The following SRGAP2 variants were observed in gnomAD, a reference collection of about 807,000 sequenced individuals.
SRGAP2 encodes the protein SLIT-ROBO Rho GTPase activating protein 2, also known as SLIT-ROBO Rho GTPase-activating protein 2.
A neutral mutation model predicts 57.2 loss-of-function variants in SRGAP2; 15 were observed. The ratio of observed to expected loss-of-function variants is 0.26; its 90% CI spans 0.18 to 0.40. The LOEUF (loss-of-function observed/expected upper bound fraction) is 0.40, where lower values mean the gene tolerates loss of function less well. SRGAP2 is among the 10% of genes least tolerant of loss of function. SRGAP2 has a pLI of 1.00. For synonymous variants in SRGAP2, 249 were observed against 248.0 expected (o/e 1.00, Z -0.04); for missense variants, 520 against 669.6 (o/e 0.78, Z 2.47).
Position 206,289,672 on chromosome 1 carries a change from A to G in SRGAP2, c.68-13609A>G, listed in dbSNP as rs1457587480. Among the ~76,000 whole-genome samples the G allele has an allele frequency of 4.2e-5, 6 of 144,474 alleles. No individual in the cohort carries two copies. The South Asian group carries it at 8.7e-4, about 21-fold the overall frequency. The allele number at this position is 144,474 out of a possible 152,430, so 94.8% of individuals were successfully genotyped here. A position where few individuals can be genotyped will look rare whatever the true frequency, so the allele number is the denominator to read the frequency against. On this transcript the variant is annotated intron_variant, in intron 2 of 22. Coordinates refer to ENST00000573034, the MANE Select transcript of SRGAP2 (RefSeq NM_015326.5). ...TGTTTATAATCTTTTTACTAAATAT[A>G]TAACAACATTGCCTTGTGGTGTTTA...
chr1:206,429,629 G>A (rs1661114531), intron 13 of SRGAP2, among the ~76,000 whole-genome samples: 1 of 152,256 alleles, frequency 6.6e-6, no homozygotes, highest in South Asian at 2.1e-4. Flanking sequence ...ACAGGCAGTG[G>A]AACTGGAGGC....
At chr1:206,279,970 A>G (rs1670637249) in intron 2 of SRGAP2, among the ~76,000 whole-genome samples, 2 of 150,194 alleles carry the variant, frequency 1.3e-5, no homozygotes, top group African/African-American at 4.9e-5. Context: ...GCCTAGTTGA[A>G]TATTAGGCAT....
intron 17 of SRGAP2, among the ~76,000 whole-genome samples, chr1:206,441,333 A>T (rs782239378): frequency 5.9e-5 from 9 of 152,182 alleles, no homozygotes; most frequent in Non-Finnish European, 1.3e-4. Flanking sequence ...TTAGCTAATC[A>T]CCCAGGGAAC....
rs1196550675 is a variant in SRGAP2 at position 206,372,921 on chromosome 1, TTC to T, written c.424-11091_424-11090del. 7.4e-4 allele frequency among the ~76,000 whole-genome samples: 5 copies of T among 6,780 alleles called. No individual in the cohort carries two copies. The African/African-American group carries it at 9.0e-3, about 12-fold the overall frequency. 4.4% of individuals were successfully genotyped at this position (6,780 alleles called of 152,430 possible). On this transcript the variant is annotated intron_variant, in intron 4 of 22. Coordinates refer to ENST00000573034, the MANE Select transcript of SRGAP2 (RefSeq NM_015326.5). ...CTCCTTTCTTTCTTTCTTTCTTTCTTTCTTTCTTTCTTTCTTTCTTTCTTTCT... is the reference window on the plus strand; with the variant it reads ...CTCCTTTCTTTCTTTCTTTCTTTCTTTTTCTTTCTTTCTTTCTTTCTTTCT...
chr1:206,289,169 G>T, intron 2 of SRGAP2, among the ~76,000 whole-genome samples: 1 of 132,394 alleles, frequency 7.6e-6, no homozygotes, highest in African/African-American at 2.9e-5. Flanking sequence ...GGCCAATTTT[G>T]TTTTATCTGT....
In SRGAP2 at chr1:206,402,092, C is replaced by T. The variant is rs1228857977; in HGVS notation, c.1056+447C>T. Among the ~76,000 whole-genome samples, 6 of 151,704 alleles carry T rather than the reference C, an allele frequency of 4.0e-5. No homozygotes were observed. The East Asian group carries it at 1.2e-3, about 29-fold the overall frequency. On this transcript the variant is annotated intron_variant, in intron 8 of 22. Transcript: ENST00000573034. ...CTGAGGTGGGGCCACATCCTAGAGGCTTTAGTGGGGAAGCGAGGGCTAGGC... is the reference window on the plus strand; with the variant it reads ...CTGAGGTGGGGCCACATCCTAGAGGTTTTAGTGGGGAAGCGAGGGCTAGGC...
chr1:206,426,692 A>T (rs925106562), intron 13 of SRGAP2, among the ~76,000 whole-genome samples: 3 of 152,144 alleles, frequency 2.0e-5, no homozygotes, highest in African/African-American at 7.2e-5. Flanking sequence ...GAGATTATTT[A>T]AAAATTTGCA....
At chr1:206,418,267 G>A (rs1553362762) in intron 11 of SRGAP2, among the ~76,000 whole-genome samples, 1 of 152,172 alleles carries the variant, frequency 6.6e-6, no homozygotes, top group Admixed American at 6.5e-5. Context: ...GAAAATAATG[G>A]CTCAGAATAA....
intron 2 of SRGAP2, among the ~76,000 whole-genome samples, chr1:206,223,064 G>T (rs6692482): frequency 7.0e-4 from 107 of 151,792 alleles, no homozygotes; most frequent in Admixed American, 1.2e-3. Context: ...GTGAGCCACC[G>T]TGCCCGGCCT....
Position 206,207,733 on chromosome 1 carries a change from G to T in SRGAP2, c.67+1696G>T, listed in dbSNP as rs1305772210. On this transcript the variant is annotated intron_variant, in intron 2 of 22. Transcript: ENST00000573034. ...TCCAGAAGCACGCCATTTGACTAAG[G>T]TGCAAAGTGACTTTAAATGTTTAAT... is the stretch of plus-strand genomic sequence containing the variant. The T allele has an allele frequency of 3.1e-5, 4 of 130,028 alleles. No homozygotes were observed. The East Asian group carries it at 8.9e-4, about 29-fold the overall frequency. The allele number at this position is 130,028 out of a possible 1,614,324, so 8.1% of individuals were successfully genotyped here. A position where few individuals can be genotyped will look rare whatever the true frequency, so the allele number is the denominator to read the frequency against.
chr1:206,428,824 G>A (rs1391146873), intron 13 of SRGAP2, among the ~76,000 whole-genome samples: 1 of 152,028 alleles, frequency 6.6e-6, no homozygotes, highest in African/African-American at 2.4e-5. Flanking sequence ...CACCATGCCA[G>A]GCTATTTTTA....
chr1:206,414,495 C>T (rs1462487256), intron 10 of SRGAP2, among the ~76,000 whole-genome samples: 1 of 152,192 alleles, frequency 6.6e-6, no homozygotes, highest in African/African-American at 2.4e-5. Flanking sequence ...TCAGTGATCT[C>T]ATATATCACC....
Position 206,461,485 on chromosome 1 carries a change from T to C in SRGAP2, c.*65T>C, listed in dbSNP as rs1553380784. 1.5e-6 allele frequency: 1 copy of C among 666,468 alleles called. No homozygotes were observed. The highest frequency in any genetic ancestry group is 1.8e-5 in the African/African-American group (1 of 55,572). The allele number at this position is 666,468 out of a possible 1,614,324, so 41.3% of individuals were successfully genotyped here. On this transcript the variant is annotated 3_prime_UTR_variant, in exon 23 of 23. Coordinates refer to ENST00000573034, the MANE Select transcript of SRGAP2 (RefSeq NM_015326.5). The stretch of plus-strand genomic sequence containing the variant: ...GGACTGACTGTTATTAAAATCTTCC[T>C]ATTTAACTAGCTTGGGGACTTCAGT...
intron 2 of SRGAP2, among the ~76,000 whole-genome samples, chr1:206,276,965 C>CT (rs1297790363): frequency 0.018 from 2,511 of 140,344 alleles, 26 homozygotes; most frequent in Non-Finnish European, 0.024. Context: ...ATCTATCACT[C>CT]TTTTTTTTTT....
chr1:206,264,187 G>A (rs1490697469), intron 2 of SRGAP2, among the ~76,000 whole-genome samples: 1 of 150,162 alleles, frequency 6.7e-6, no homozygotes, highest in African/African-American at 2.5e-5. Context: ...GCCCCTCCCC[G>A]AGGGCATCCA....
chr1:206,407,192 TAAC>T (rs1430915092), intron 10 of SRGAP2: 1,430 of 58,390 alleles, frequency 0.024, 201 homozygotes, highest in Non-Finnish European at 0.031. Flanking sequence ...TAAGTATTGT[TAAC>T]AATCCTTTGG....
intron 2 of SRGAP2, among the ~76,000 whole-genome samples, chr1:206,293,451 CTGCCCATTTTAGCCTCTT>C (rs1671437717): frequency 2.1e-5 from 1 of 46,834 alleles, no homozygotes; most frequent in Non-Finnish European, 4.4e-5. Context: ...TGAGCTTCAT[CTGCCCATTTTAGCCTCTT>C]TGACTTTGCT....
At chr1:206,425,340 A>G (rs1660700786) in intron 13 of SRGAP2, among the ~76,000 whole-genome samples, 1 of 152,234 alleles carries the variant, frequency 6.6e-6, no homozygotes, top group Admixed American at 6.5e-5. Flanking sequence ...TAATTAGGGT[A>G]TCTGTCATCT....
intron 2 of SRGAP2, among the ~76,000 whole-genome samples, chr1:206,237,312 T>C (rs1667973021): frequency 6.6e-6 from 1 of 152,156 alleles, no homozygotes; most frequent in Non-Finnish European, 1.5e-5. Flanking sequence ...AAAAAGTGAA[T>C]GTACACGTAT....
Sources: allele counts gnomAD v4.1 joint callset (sites outside exome capture counted in the v4.1 genomes callset), GRCh38; gene constraint gnomAD v4.1.1; transcripts MANE v1.5; gene names NCBI Gene and HGNC (gene_info 2026-07-23, HGNC 2026-07-21).